The following AFAP1 variants were observed in gnomAD, a reference collection of about 807,000 sequenced individuals.
AFAP1 encodes the protein actin filament-associated protein 1.
Under a neutral mutation model 93.9 loss-of-function variants are expected in AFAP1, and 75 were observed. The ratio of observed to expected loss-of-function variants is 0.80; its 90% CI spans 0.66 to 0.97. The LOEUF is 0.97. Ranked by LOEUF, AFAP1 falls within the 50% of genes least tolerant of loss-of-function variation. The pLI, the probability that AFAP1 is intolerant of heterozygous loss-of-function variation, is 0.00. For synonymous variants in AFAP1, 517 were observed against 430.7 expected, an observed-to-expected ratio of 1.20 and a Z score of -2.48; for missense variants, 1,201 against 1,050.8, an observed-to-expected ratio of 1.14 and a Z score of -1.98.
chr4:7,783,357 C>G lies in AFAP1; in HGVS notation c.1531-1730G>C, dbSNP rs570233979. On this transcript the variant is annotated intron_variant, in intron 12 of 17. Transcript: ENST00000420658. Reference sequence around the variant, plus strand: ...GTTTCACCATGTTGGCCAGGCTGGTCTCGAACTCCTGGCCTTAAGTGATCT... The same window carrying G: ...GTTTCACCATGTTGGCCAGGCTGGTGTCGAACTCCTGGCCTTAAGTGATCT... 7.9e-5 allele frequency among the ~76,000 whole-genome samples: 12 copies of G among 152,302 alleles called. No homozygotes were observed. The South Asian group carries it at 1.9e-3, about 24-fold the overall frequency.
rs148320350 is a variant in AFAP1 at position 7,812,065 on chromosome 4, G to A, written c.905-2302C>T. ...TCCCAGCTACCATCAGACAGGGAGC[G>A]GCGGCTAGGACAGCTGTATCACTTC... On this transcript the variant is annotated intron_variant, in intron 8 of 17. Transcript: ENST00000420658. Among the ~76,000 whole-genome samples, 670 of 152,092 alleles carry A rather than the reference G, an allele frequency of 4.4e-3. 1 individual carries two copies. Among genetic ancestry groups the A allele is most frequent in the Non-Finnish European group, 7.0e-3 (476 of 68,000 alleles).
At chr4:7,887,853 G>A (rs1326121856) in intron 1 of AFAP1, among the ~76,000 whole-genome samples, 1 of 150,232 alleles carries the variant, frequency 6.7e-6, no homozygotes, top group African/African-American at 2.4e-5. Context: ...TTGAGATGGA[G>A]TCTCGCTCCA....
chr4:7,889,191 A>C lies in AFAP1; in HGVS notation c.-2-17111T>G, dbSNP rs557997330. On this transcript the variant is annotated intron_variant, in intron 1 of 17. Coordinates refer to ENST00000420658, the MANE Select transcript of AFAP1 (RefSeq NM_001134647.2). ...CCTTGGAATTCAAGGTTGGTTTAAC[A>C]CTGGAAAATCATTAAGTATAATTCA... is the stretch of plus-strand genomic sequence containing the variant. Among the ~76,000 whole-genome samples the C allele has an allele frequency of 2.6e-5, 4 of 152,344 alleles. No homozygotes were observed. In the South Asian group the frequency reaches 6.2e-4, roughly 24 times the overall value.
At chr4:7,788,347 G>A (rs1717508661) in intron 11 of AFAP1, among the ~76,000 whole-genome samples, 1 of 152,242 alleles carries the variant, frequency 6.6e-6, no homozygotes, top group South Asian at 2.1e-4. Context: ...GTCTGGCAGC[G>A]TAGCCTCGGG....
intron 13 of AFAP1, 59 bp from the exon 14 acceptor site, chr4:7,778,935 T>TA: frequency 7.7e-7 from 1 of 1,304,906 alleles, no homozygotes; most frequent in Non-Finnish European, 1.1e-6. Flanking sequence ...CAAATCTTGG[T>TA]CTTTTTTTTT....
chr4:7,768,138 G>A (rs368390540), intron 17 of AFAP1, among the ~76,000 whole-genome samples: 11 of 152,240 alleles, frequency 7.2e-5, no homozygotes, highest in South Asian at 2.1e-4. Flanking sequence ...GAGGACTCCC[G>A]TGTTCCAGCC....
At chr4:7,817,993 C>G (rs1372222033) in intron 7 of AFAP1, among the ~76,000 whole-genome samples, 2 of 152,178 alleles carry the variant, frequency 1.3e-5, no homozygotes, top group East Asian at 3.9e-4. Flanking sequence ...AGGAGAAAAA[C>G]AGCCTGTTCC....
Position 7,868,243 on chromosome 4 carries a change from A to T in AFAP1, c.225+379T>A, listed in dbSNP as rs1002944234. ...ATTAAAGTTTCACAATAAGGTATTC[A>T]ACTTCAGAATTAACTCAGAAGAGAG... is the stretch of plus-strand genomic sequence containing the variant. On this transcript the variant is annotated intron_variant, in intron 3 of 17. Coordinates refer to ENST00000420658, the MANE Select transcript of AFAP1 (RefSeq NM_001134647.2). Among the ~76,000 whole-genome samples the T allele has an allele frequency of 2.0e-5, 3 of 152,214 alleles. 1 individual carries two copies. Among genetic ancestry groups the T allele is most frequent in the Non-Finnish European group, 2.9e-5 (2 of 68,042 alleles).
chr4:7,898,818 T>A (rs1338009320), intron 1 of AFAP1, among the ~76,000 whole-genome samples: 6 of 151,016 alleles, frequency 4.0e-5, no homozygotes, highest in Non-Finnish European at 7.4e-5. Flanking sequence ...AGTGTGTGTG[T>A]GTGTGTGTGT....
At chr4:7,818,982 C>T (rs1420987701) in intron 7 of AFAP1, 94 bp downstream of exon 7, 29 of 1,182,186 alleles carry the variant, frequency 2.5e-5, no homozygotes, top group Middle Eastern at 3.0e-4. Flanking sequence ...TAACTGGAAG[C>T]GCTGAAATTC....
chr4:7,800,355 T>C (rs373753410), intron 10 of AFAP1, 87 bp downstream of exon 10: 1 of 1,400,698 alleles, frequency 7.1e-7, no homozygotes, highest in Non-Finnish European at 9.9e-7. Context: ...GGGAGGAATT[T>C]TGATAGAGGA....
chr4:7,873,200 A>G (rs1237098167), intron 1 of AFAP1, among the ~76,000 whole-genome samples: 3 of 127,306 alleles, frequency 2.4e-5, no homozygotes, highest in East Asian at 5.0e-4. Flanking sequence ...CCAAGATTGC[A>G]CCACTGCACT....
chr4:7,821,004 G>A (rs185763095), intron 6 of AFAP1, among the ~76,000 whole-genome samples: 1 of 152,140 alleles, frequency 6.6e-6, no homozygotes, highest in Admixed American at 6.5e-5. Context: ...TGTAATCCCA[G>A]CAACTCAGGA....
At chr4:7,899,166 ATGC>A (rs1718974447) in intron 1 of AFAP1, among the ~76,000 whole-genome samples, 2 of 152,112 alleles carry the variant, frequency 1.3e-5, no homozygotes, top group African/African-American at 2.4e-5. Context: ...GGTATGGAAC[ATGC>A]TGCTAAGACA....
intron 3 of AFAP1, among the ~76,000 whole-genome samples, chr4:7,866,858 T>C (rs1313349120): frequency 6.7e-6 from 1 of 149,162 alleles, no homozygotes; most frequent in Non-Finnish European, 1.5e-5. Flanking sequence ...AGTGAGACCC[T>C]TTCTCTATTA....
At chr4:7,770,222 G>A (rs1715227995) in intron 16 of AFAP1, among the ~76,000 whole-genome samples, 2 of 152,238 alleles carry the variant, frequency 1.3e-5, no homozygotes, top group African/African-American at 4.8e-5. Context: ...TTGGGACAAA[G>A]GAGAAGCGAG....
intron 6 of AFAP1, among the ~76,000 whole-genome samples, chr4:7,823,843 C>A (rs1483797340): frequency 6.6e-6 from 1 of 152,202 alleles, no homozygotes; most frequent in Non-Finnish European, 1.5e-5. Flanking sequence ...AGAGCAGGCC[C>A]AGGATCAACC....
chr4:7,933,365 G>C (rs1351232119), intron 1 of AFAP1, among the ~76,000 whole-genome samples: 1 of 152,186 alleles, frequency 6.6e-6, no homozygotes, highest in Non-Finnish European at 1.5e-5. Context: ...ACGAGGTCAA[G>C]AGATCGAGAC....
chr4:7,933,243 TA>T (rs373080244), intron 1 of AFAP1, among the ~76,000 whole-genome samples: 4 of 151,812 alleles, frequency 2.6e-5, no homozygotes, highest in African/African-American at 9.7e-5. Context: ...TATCCTGGGC[TA>T]ACCAGGGAGG....
Sources: gnomAD v4.1 joint callset for allele counts (sites outside exome capture counted in the v4.1 genomes callset) on GRCh38, gnomAD v4.1.1 for gene constraint, MANE v1.5 for transcripts, NCBI Gene and HGNC (gene_info 2026-07-23, HGNC 2026-07-21) for gene names.